Variants in EBF1 observed in about 807,000 individuals in gnomAD.
EBF1 encodes the protein transcription factor COE1.
In EBF1, 10 loss-of-function variants were observed where a neutral mutation model predicts 68.4. That is an observed-to-expected ratio of 0.15 (90% CI 0.09 to 0.25). The LOEUF (loss-of-function observed/expected upper bound fraction) is 0.25. EBF1 is among the 10% of genes least tolerant of loss of function. The pLI is 1.00. For missense variants in EBF1, 509 were observed against 794.4 expected (o/e 0.64, Z 4.32); for synonymous variants, 298 against 299.8 (o/e 0.99, Z 0.06).
At chr5:158,914,651 C>T (rs911583377) in intron 6 of EBF1, among the ~76,000 whole-genome samples, 2 of 152,114 alleles carry the variant, frequency 1.3e-5, no homozygotes, top group African/African-American at 2.4e-5. Context: ...AAAAAAGTTT[C>T]TTCGAAAGAT....
At chr5:158,711,149 G>C (rs1375922030) in intron 14 of EBF1, among the ~76,000 whole-genome samples, 2 of 152,080 alleles carry the variant, frequency 1.3e-5, no homozygotes, top group Non-Finnish European at 1.5e-5. Flanking sequence ...TTCTGGAAAA[G>C]TGTTTTGATT....
At chr5:158,936,226 C>T (rs1157821979) in intron 6 of EBF1, among the ~76,000 whole-genome samples, 2 of 152,116 alleles carry the variant, frequency 1.3e-5, no homozygotes, top group Non-Finnish European at 2.9e-5. Context: ...CCTTGTGAAC[C>T]ATATTTCCTG....
At chr5:158,992,015 G>A (rs1469906596) in intron 6 of EBF1, among the ~76,000 whole-genome samples, 2 of 152,170 alleles carry the variant, frequency 1.3e-5, no homozygotes, top group African/African-American at 2.4e-5. Flanking sequence ...ATGGTGGTAG[G>A]GTTGAGGGGA....
chr5:159,017,102 C>T (rs986564320), intron 6 of EBF1, among the ~76,000 whole-genome samples: 2 of 150,064 alleles, frequency 1.3e-5, no homozygotes, highest in Non-Finnish European at 3.0e-5. Flanking sequence ...GACATGTAAG[C>T]AATATTAATG....
chr5:159,035,129 A>AAGAGAG (rs371989316), intron 6 of EBF1, among the ~76,000 whole-genome samples: 3 of 151,036 alleles, frequency 2.0e-5, no homozygotes, highest in South Asian at 2.1e-4. Flanking sequence ...AAGAGAAAGA[A>AAGAGAG]AGAGAGAGAG....
intron 6 of EBF1, among the ~76,000 whole-genome samples, chr5:159,071,027 T>G (rs1777696607): frequency 6.6e-6 from 1 of 152,242 alleles, no homozygotes. Flanking sequence ...CTTGCATAAG[T>G]TCTTCTCTTG....
Position 158,736,524 on chromosome 5 carries a change from A to T in EBF1, c.1037-5367T>A, listed in dbSNP as rs1272791378. 2.0e-5 allele frequency among the ~76,000 whole-genome samples: 3 copies of T among 152,338 alleles called. No homozygotes were observed. In the East Asian group the frequency reaches 5.8e-4, roughly 29 times the overall value. ...ATGCAGATATTAGGAAGGCAATATTAATATTCTATTGCCATTTAATGTCCA... is the reference window on the plus strand; with the variant it reads ...ATGCAGATATTAGGAAGGCAATATTTATATTCTATTGCCATTTAATGTCCA... On this transcript the variant is annotated intron_variant, in intron 10 of 15. Coordinates refer to ENST00000313708, the MANE Select transcript of EBF1 (RefSeq NM_024007.5).
chr5:158,865,298 T>C (rs964203810), intron 6 of EBF1, among the ~76,000 whole-genome samples: 1 of 152,218 alleles, frequency 6.6e-6, no homozygotes, highest in Non-Finnish European at 1.5e-5. Flanking sequence ...AGGTTGGTTA[T>C]GACATGAACT....
chr5:158,942,986 AGAGGAAGG>A (rs1367475962), intron 6 of EBF1, among the ~76,000 whole-genome samples: 28 of 114,728 alleles, frequency 2.4e-4, no homozygotes, highest in Non-Finnish European at 3.5e-4. Context: ...AAGGAGGAAG[AGAGGAAGG>A]GAGGAAGGGA....
chr5:159,019,109 C>G (rs1430949270), intron 6 of EBF1: 2 of 152,048 alleles, frequency 1.3e-5, no homozygotes, highest in African/African-American at 2.4e-5. Flanking sequence ...CAGAAGACAC[C>G]CAAACCAACC....
intron 6 of EBF1, among the ~76,000 whole-genome samples, chr5:158,962,682 T>C (rs1471619061): frequency 2.0e-5 from 3 of 152,194 alleles, no homozygotes; most frequent in South Asian, 2.1e-4. Context: ...ACAAAGCCCA[T>C]ATAGGTACTT....
At position 158,869,160 on chromosome 5, in the gene EBF1, C is replaced by A. The variant is rs77674781; in HGVS notation, c.555-29050G>T. Among the ~76,000 whole-genome samples the A allele has an allele frequency of 6.7e-3, 1,025 of 152,140 alleles. 12 individuals are homozygous for A. The highest frequency in any genetic ancestry group is 0.023 in the African/African-American group (971 of 41,500). Reference sequence around the variant, plus strand: ...AAATGGAAGACACCAGAACTCTGGCCGCCGTATGGAAGAAAATGCAGAATG... The same window carrying A: ...AAATGGAAGACACCAGAACTCTGGCAGCCGTATGGAAGAAAATGCAGAATG... On this transcript the variant is annotated intron_variant, in intron 6 of 15. Coordinates refer to ENST00000313708, the MANE Select transcript of EBF1 (RefSeq NM_024007.5).
intron 10 of EBF1, among the ~76,000 whole-genome samples, chr5:158,757,724 G>A (rs983538976): frequency 6.6e-6 from 1 of 152,128 alleles, no homozygotes; most frequent in African/African-American, 2.4e-5. Context: ...TTCTTCATTT[G>A]TAATACAGCG....
intron 6 of EBF1, among the ~76,000 whole-genome samples, chr5:158,912,836 A>G (rs1806304404): frequency 6.6e-6 from 1 of 152,228 alleles, no homozygotes; most frequent in South Asian, 2.1e-4. Flanking sequence ...AAGAAAAAAA[A>G]AGATGTAGCA....
At position 159,099,353 on chromosome 5, in the gene EBF1, C is replaced by T; in HGVS notation, c.126G>A (p.Ala42=). 1.3e-6 allele frequency: 2 copies of T among 1,587,338 alleles called. No individual in the cohort carries two copies. Among genetic ancestry groups the T allele is most frequent in the Non-Finnish European group, 1.7e-6 (2 of 1,168,354 alleles). The change falls in exon 1 of 16, where the codon GCG becomes GCA. Residue 42 remains alanine (A), a synonymous_variant. Transcript: ENST00000313708. ...QGAGVLDANT[A]AQSGVGLARA... ...CCCCGCGCAGTACCCACCTCTGCGC[C>T]GCCGTGTTGGCGTCCAGCACCCCGG...
chr5:158,798,392 G>T (rs761696579), intron 8 of EBF1, among the ~76,000 whole-genome samples: 1 of 152,118 alleles, frequency 6.6e-6, no homozygotes, highest in Non-Finnish European at 1.5e-5. Context: ...TTTAGCTTTG[G>T]AATTTCTGTT....
At position 159,063,776 on chromosome 5, in the gene EBF1, C is replaced by T. The variant is rs143987924; in HGVS notation, c.554+9620G>A. On this transcript the variant is annotated intron_variant, in intron 6 of 15. Transcript: ENST00000313708. ...AATGATCACATTAAGAATGAAAATC[C>T]ACATGGAATATACGATGCTCAAATT... Among the ~76,000 whole-genome samples, 285 of 152,262 alleles carry T rather than the reference C, an allele frequency of 1.9e-3. 1 individual carries two copies. Among genetic ancestry groups the T allele is most frequent in the African/African-American group, 6.4e-3 (264 of 41,550 alleles).
At chr5:158,825,324 A>G (rs1172380231) in intron 7 of EBF1, among the ~76,000 whole-genome samples, 1 of 152,218 alleles carries the variant, frequency 6.6e-6, no homozygotes, top group Non-Finnish European at 1.5e-5. Flanking sequence ...ACTTACAATT[A>G]CATAACAGAG....
At chr5:158,773,904 T>C (rs941196882) in intron 10 of EBF1, among the ~76,000 whole-genome samples, 2 of 152,134 alleles carry the variant, frequency 1.3e-5, no homozygotes, top group South Asian at 2.1e-4. Context: ...GAGGTTATAG[T>C]GGATTTAATT....
Sources: allele counts gnomAD v4.1 joint callset (sites outside exome capture counted in the v4.1 genomes callset), GRCh38; gene constraint gnomAD v4.1.1; transcripts MANE v1.5; gene names NCBI Gene and HGNC (gene_info 2026-07-23, HGNC 2026-07-21).